The following WDR35 variants were observed in gnomAD, a reference collection of about 807,000 sequenced individuals.
WDR35 encodes WD repeat-containing protein 35.
A neutral mutation model predicts 158.3 loss-of-function variants in WDR35; 118 were observed. The observed-to-expected ratio is 0.75, with a 90% CI of 0.64 to 0.87. WDR35 has a LOEUF of 0.87. WDR35 is among the 40% of genes least tolerant of loss of function. The probability of loss-of-function intolerance (pLI) is 0.00; values close to 1 mark genes in which losing one functional copy is unlikely to be tolerated. For missense variants in WDR35, 1,263 were observed against 1,405.8 expected (o/e 0.90, Z 1.62); for synonymous variants, 448 against 476.1 (o/e 0.94, Z 0.77).
intron 25 of WDR35, among the ~76,000 whole-genome samples, chr2:19,916,085 A>G (rs1175561059): frequency 1.3e-5 from 2 of 152,186 alleles, no homozygotes; most frequent in Admixed American, 6.5e-5. Context: ...CAGTGGGTGC[A>G]GCCCAAGGAG....
Position 19,934,157 on chromosome 2 carries a change from G to A in WDR35, c.2548-646C>T, listed in dbSNP as rs1233629032. On this transcript the variant is annotated intron_variant, in intron 21 of 26. Coordinates refer to ENST00000281405, the MANE Select transcript of WDR35 (RefSeq NM_020779.4). The surrounding 1 kb of genome is among the most constrained non-coding windows in gnomAD (Gnocchi z 4.6). The stretch of plus-strand genomic sequence containing the variant: ...CTTTCAGAATATCTAATTAGCCAGA[G>A]GTTTTCCCTCCCCAACCCTTCTACA... 1.3e-5 allele frequency among the ~76,000 whole-genome samples: 2 copies of A among 151,070 alleles called. No individual in the cohort carries two copies. Among genetic ancestry groups the A allele is most frequent in the East Asian group, 3.9e-4 (2 of 5,132 alleles).
chr2:19,983,334 G>A (rs1268067205), intron 2 of WDR35, among the ~76,000 whole-genome samples: 1 of 152,200 alleles, frequency 6.6e-6, no homozygotes, highest in Non-Finnish European at 1.5e-5. Context: ...GAAGGCCTAT[G>A]TGGATGAACA....
rs551683749 is a variant in WDR35 at position 19,927,924 on chromosome 2, CT to C, written c.3121+2471del. Among the ~76,000 whole-genome samples the C allele has an allele frequency of 1.8e-4, 28 of 152,316 alleles. No homozygotes were observed. The South Asian group carries it at 5.8e-3, about 32-fold the overall frequency. ...TATAGTCTGCAGATGTGGATCCTGACTCCTGCAAGAAGTAGCTCACCATGAC... is the reference window on the plus strand; with the variant it reads ...TATAGTCTGCAGATGTGGATCCTGACCCTGCAAGAAGTAGCTCACCATGAC... On this transcript the variant is annotated intron_variant, in intron 25 of 26. Transcript: ENST00000281405.
intron 25 of WDR35, among the ~76,000 whole-genome samples, chr2:19,922,760 C>G (rs1380094623): frequency 6.6e-6 from 1 of 152,104 alleles, no homozygotes; most frequent in Non-Finnish European, 1.5e-5. Context: ...TGGGAACAGG[C>G]TCCACAAAAT....
At chr2:19,956,618 CT>C (rs34318252) in intron 11 of WDR35, among the ~76,000 whole-genome samples, 24,616 of 129,248 alleles carry the variant, frequency 0.19, 1,531 homozygotes, top group Non-Finnish European at 0.22. Flanking sequence ...CTTAATAATA[CT>C]TTTTTTTTTT....
intron 25 of WDR35, among the ~76,000 whole-genome samples, chr2:19,929,952 C>T (rs1039118829): frequency 6.6e-6 from 1 of 151,458 alleles, no homozygotes; most frequent in Non-Finnish European, 1.5e-5. Context: ...TATTTTAAAA[C>T]GTGGTTTTCA....
At chr2:19,970,400 TTAA>T (rs999699940) in intron 8 of WDR35, among the ~76,000 whole-genome samples, 1 of 152,212 alleles carries the variant, frequency 6.6e-6, no homozygotes, top group African/African-American at 2.4e-5. Context: ...AATTACCTTT[TTAA>T]TGGACTGCAT....
intron 2 of WDR35, among the ~76,000 whole-genome samples, chr2:19,987,625 C>T (rs1303585092): frequency 1.3e-5 from 2 of 151,852 alleles, no homozygotes; most frequent in Non-Finnish European, 2.9e-5. Flanking sequence ...AGATCAAGAC[C>T]ATCCTGGCTA....
intron 14 of WDR35, among the ~76,000 whole-genome samples, chr2:19,947,342 A>C (rs1399868498): frequency 6.6e-6 from 1 of 152,184 alleles, no homozygotes; most frequent in Non-Finnish European, 1.5e-5. Flanking sequence ...AGGAGGGAAT[A>C]CTATAGAAAT....
In WDR35 at chr2:19,911,313, G is replaced by C. The variant is rs1348819026; in HGVS notation, c.*2245C>G. On this transcript the variant is annotated 3_prime_UTR_variant, in exon 27 of 27. Coordinates refer to ENST00000281405, the MANE Select transcript of WDR35 (RefSeq NM_020779.4). ...TTCCTGAGACAGGAAAGGGAAAGAA[G>C]AGATACTCAAGCATTAGACCATGGA... is the stretch of plus-strand genomic sequence containing the variant. The C allele has an allele frequency of 6.6e-6, 1 of 152,266 alleles. No individual in the cohort carries two copies. The highest frequency in any genetic ancestry group is 1.5e-5 in the Non-Finnish European group (1 of 68,072). The allele number at this position is 152,266 out of a possible 1,614,324, so 9.4% of individuals were successfully genotyped here. A position where few individuals can be genotyped will look rare whatever the true frequency, so the allele number is the denominator to read the frequency against.
chr2:19,937,783 A>G lies in WDR35; in HGVS notation c.2227T>C (p.Phe743Leu). 1 of 1,614,126 alleles carries G rather than the reference A, an allele frequency of 6.2e-7. No individual in the cohort carries two copies. The highest frequency in any genetic ancestry group is 8.5e-7 in the Non-Finnish European group (1 of 1,180,006). ...AGATACGTTCTTTCAGCCTCTTCAA[A>G]CCTGCCGAAGTAGCCAACAACTTCA... ...QAEVVGYFGR[F>L]EEAERTYLEM... The change falls in exon 19 of 27, where the codon TTT becomes CTT. Residue 743 changes from phenylalanine to leucine, a missense_variant. Physicochemically the swap from Phe to Leu is conservative, Grantham distance 22 (BLOSUM62 0). Coordinates refer to ENST00000281405, the MANE Select transcript of WDR35 (RefSeq NM_020779.4).
chr2:19,922,855 C>T (rs1045885448), intron 25 of WDR35, among the ~76,000 whole-genome samples: 1 of 152,190 alleles, frequency 6.6e-6, no homozygotes, highest in Non-Finnish European at 1.5e-5. Flanking sequence ...AACACCCACG[C>T]TGGAAGGTTG....
At position 19,912,710 on chromosome 2, in the gene WDR35, C is replaced by G. The variant is rs1368055693; in HGVS notation, c.*848G>C. On this transcript the variant is annotated 3_prime_UTR_variant, in exon 27 of 27. Coordinates refer to ENST00000281405, the MANE Select transcript of WDR35 (RefSeq NM_020779.4). ...TATGTAAAAGACATAAGAAATGATC[C>G]ATTATGGATCACAACTGTTTATCTT... is the stretch of plus-strand genomic sequence containing the variant. 6.6e-6 allele frequency: 1 copy of G among 152,026 alleles called. No homozygotes were observed. Among genetic ancestry groups the G allele is most frequent in the Non-Finnish European group, 1.5e-5 (1 of 68,004 alleles). The allele number at this position is 152,026 out of a possible 1,614,324, so 9.4% of individuals were successfully genotyped here. A position where few individuals can be genotyped will look rare whatever the true frequency, so the allele number is the denominator to read the frequency against.
chr2:19,929,616 G>T (rs1436076754), intron 25 of WDR35, among the ~76,000 whole-genome samples: 5 of 152,106 alleles, frequency 3.3e-5, no homozygotes, highest in African/African-American at 1.2e-4. Flanking sequence ...GATATTACAT[G>T]TAAATAATCT....
intron 2 of WDR35, among the ~76,000 whole-genome samples, chr2:19,985,149 A>G (rs1672513319): frequency 6.6e-6 from 1 of 152,158 alleles, no homozygotes; most frequent in South Asian, 2.1e-4. Context: ...CCATGGCCCT[A>G]TATACTTTTT....
rs557213514 is a variant in WDR35 at position 19,931,256 on chromosome 2, C to T, written c.2964+13G>A. The T allele has an allele frequency of 1.3e-5, 21 of 1,600,972 alleles. No homozygotes were observed. The highest frequency in any genetic ancestry group is 1.2e-4 in the Admixed American group (7 of 59,502). On this transcript the variant is annotated intron_variant, in intron 24 of 26. Transcript: ENST00000281405. ...CTTCCAATGATGTAATGTTATTTAA[C>T]GTGCTACTTTACCTCTGAACTTTTT...
intron 16 of WDR35, among the ~76,000 whole-genome samples, chr2:19,944,070 A>T (rs113386058): frequency 0.019 from 2,906 of 152,220 alleles, 38 homozygotes; most frequent in Non-Finnish European, 0.029. Flanking sequence ...CCTGCTTTGA[A>T]GAGATCATGT....
rs1296142742 is a variant in WDR35 at position 19,910,785 on chromosome 2, C to T, written c.*2773G>A. ...TCGAATAAAACCAACTAGATTGACT[C>T]ATAATATAGGTGTTTTCTCTAGTAC... is the stretch of plus-strand genomic sequence containing the variant. On this transcript the variant is annotated 3_prime_UTR_variant, in exon 27 of 27. Transcript: ENST00000281405. The T allele has an allele frequency of 6.6e-6, 1 of 152,076 alleles. No homozygotes were observed. Among genetic ancestry groups the T allele is most frequent in the Non-Finnish European group, 1.5e-5 (1 of 68,014 alleles). 9.4% of individuals were successfully genotyped at this position (152,076 alleles called of 1,614,324 possible). A position where few individuals can be genotyped will look rare whatever the true frequency, so the allele number is the denominator to read the frequency against.
At chr2:19,946,596 A>T in intron 14 of WDR35, 26 bp from the exon 15 acceptor site, 1 of 1,579,824 alleles carries the variant, frequency 6.3e-7, no homozygotes, top group Non-Finnish European at 8.7e-7. Flanking sequence ...TTGATTACTT[A>T]AGCATACGTG....
Sources: gnomAD v4.1 joint callset for allele counts (sites outside exome capture counted in the v4.1 genomes callset) on GRCh38, gnomAD v4.1.1 for gene constraint, Gnocchi (gnomAD v3.1) non-coding constraint, MANE v1.5 for transcripts, NCBI Gene and HGNC (gene_info 2026-07-23, HGNC 2026-07-21) for gene names.